MYO1E: variants seen among roughly 807,000 people sequenced by gnomAD.
MYO1E encodes unconventional myosin-Ie.
Under a neutral mutation model 151.1 loss-of-function variants are expected in MYO1E, and 68 were observed. The observed-to-expected ratio is 0.45, with a 90% CI of 0.37 to 0.55. MYO1E has a LOEUF of 0.55. MYO1E is among the 20% of genes least tolerant of loss of function. The probability of loss-of-function intolerance (pLI) is 0.00; values close to 1 mark genes in which losing one functional copy is unlikely to be tolerated. For missense variants in MYO1E, 1,363 were observed against 1,389.3 expected (o/e 0.98, Z 0.30); for synonymous variants, 601 against 501.7 (o/e 1.20, Z -2.64).
At chr15:59,197,576 G>A (rs2079775535) in intron 16 of MYO1E, among the ~76,000 whole-genome samples, 1 of 152,102 alleles carries the variant, frequency 6.6e-6, no homozygotes, top group African/African-American at 2.4e-5. Flanking sequence ...GAGAAAGCTG[G>A]GCCTTAAAGA....
intron 13 of MYO1E, among the ~76,000 whole-genome samples, chr15:59,209,168 T>C (rs1292111250): frequency 2.0e-5 from 3 of 152,194 alleles, no homozygotes; most frequent in Non-Finnish European, 2.9e-5. Flanking sequence ...AGTAAAAACA[T>C]TTTCCTTTGA....
chr15:59,312,493 C>T (rs1436315814), intron 1 of MYO1E, among the ~76,000 whole-genome samples: 9 of 152,086 alleles, frequency 5.9e-5, no homozygotes, highest in African/African-American at 1.9e-4. Context: ...AAAAACCTTG[C>T]GTTTAGAGCA....
chr15:59,156,138 A>C (rs1448794403), intron 25 of MYO1E, among the ~76,000 whole-genome samples: 1 of 152,184 alleles, frequency 6.6e-6, no homozygotes, highest in East Asian at 1.9e-4. Context: ...CTGGGATTCC[A>C]GGCATGTGCC....
At chr15:59,336,576 T>C (rs563140896) in intron 1 of MYO1E, among the ~76,000 whole-genome samples, 23 of 151,834 alleles carry the variant, frequency 1.5e-4, no homozygotes, top group Non-Finnish European at 2.9e-4. Flanking sequence ...ATTCACATAG[T>C]ACACCCCTGG....
intron 1 of MYO1E, among the ~76,000 whole-genome samples, chr15:59,277,560 A>AAAACAACAACAAC (rs2080327676): frequency 7.9e-6 from 1 of 126,790 alleles, no homozygotes; most frequent in Middle Eastern, 3.7e-3. Flanking sequence ...AAAAAAAAAA[A>AAAACAACAACAAC]AAAAAAAAAA....
chr15:59,311,960 C>T (rs1350520114), intron 1 of MYO1E, among the ~76,000 whole-genome samples: 2 of 152,126 alleles, frequency 1.3e-5, no homozygotes, highest in Non-Finnish European at 2.9e-5. Context: ...TGCAGCCCCT[C>T]GATCATGAAC....
chr15:59,178,460 G>A lies in MYO1E; in HGVS notation c.1982C>T (p.Ser661Leu), dbSNP rs756487866. 7.4e-6 allele frequency: 12 copies of A among 1,614,174 alleles called. No homozygotes were observed. Among genetic ancestry groups the A allele is most frequent in the African/African-American group, 2.7e-5 (2 of 75,046 alleles). The stretch of plus-strand genomic sequence containing the variant: ...GAACTGGTCGCTGTCCATGTTGACC[G>A]ACTGCAGCAGGTGCAGGACGCCTTG... ...EKQGVLHLLQ[S>L]VNMDSDQFQL... The change falls in exon 19 of 28, where the codon TCG becomes TTG. Residue 661 changes from serine (S) to leucine (L), a missense_variant. Ser to Leu is a moderately radical substitution (Grantham distance 145). Transcript: ENST00000288235.
intron 8 of MYO1E, among the ~76,000 whole-genome samples, chr15:59,224,307 C>T (rs2079975104): frequency 6.6e-6 from 1 of 152,190 alleles, no homozygotes; most frequent in Non-Finnish European, 1.5e-5. Context: ...TAAAGACGTT[C>T]CAAAATGTCT....
chr15:59,270,436 G>T (rs1375224510), intron 2 of MYO1E, among the ~76,000 whole-genome samples: 1 of 151,476 alleles, frequency 6.6e-6, no homozygotes, highest in African/African-American at 2.4e-5. Flanking sequence ...CCAGCTACTT[G>T]GGAGGCTGAG....
In MYO1E at chr15:59,209,815, C is replaced by CT. The variant is rs71119441; in HGVS notation, c.1362+698dup. On this transcript the variant is annotated intron_variant, in intron 13 of 27. Transcript: ENST00000288235. ...CTGTATCACTTTTATTTTGAATCAC[C>CT]TTTTTTTTTTTTTTTTTTTTTTTTT... Among the ~76,000 whole-genome samples, 355 of 49,852 alleles carry CT rather than the reference C, an allele frequency of 7.1e-3. 90 individuals carry two copies. Among genetic ancestry groups the CT allele is most frequent in the Middle Eastern group, 0.015 (1 of 68 alleles). The allele number at this position is 49,852 out of a possible 152,430, so 32.7% of individuals were successfully genotyped here. A position where few individuals can be genotyped will look rare whatever the true frequency, so the allele number is the denominator to read the frequency against.
Position 59,223,059 on chromosome 15 carries a change from A to G in MYO1E, c.910T>C (p.Phe304Leu), listed in dbSNP as rs1317921050. 1.2e-6 allele frequency: 2 copies of G among 1,613,048 alleles called. No individual in the cohort carries two copies. Among genetic ancestry groups the G allele is most frequent in the African/African-American group, 2.7e-5 (2 of 74,664 alleles). The change falls in exon 9 of 28, where the codon TTT becomes CTT. Residue 304 changes from phenylalanine (F) to leucine (L), a missense_variant and splice_region_variant. Coordinates refer to ENST00000288235, the MANE Select transcript of MYO1E (RefSeq NM_004998.4). ...GNYAAVESEE[F>L]LAFPAYLLGI... The stretch of plus-strand genomic sequence containing the variant: ...ATGGCCACATGCCAGGGCTACGCAC[A>G]CTCTTCACTCTCCACAGCCGCGTAG...
At position 59,205,488 on chromosome 15, in the gene MYO1E, G is replaced by T. The variant is rs748772463; in HGVS notation, c.1531-3C>A. 32 of 1,582,564 alleles carry T rather than the reference G, an allele frequency of 2.0e-5. No individual in the cohort carries two copies. Among genetic ancestry groups the T allele is most frequent in the Non-Finnish European group, 2.8e-5 (32 of 1,158,586 alleles). On this transcript the variant is annotated splice_polypyrimidine_tract_variant and splice_region_variant and intron_variant, in intron 14 of 27. Transcript: ENST00000288235. ...AAGCCATCCATGTCATAGGATACCT[G>T]GCCAAGAATGGAAAGAAATCGAATT... is the stretch of plus-strand genomic sequence containing the variant.
intron 1 of MYO1E, among the ~76,000 whole-genome samples, chr15:59,317,875 T>C (rs74017726): frequency 0.031 from 4,772 of 152,162 alleles, 174 homozygotes; most frequent in African/African-American, 0.091. Flanking sequence ...TTGAGCTACA[T>C]AACCTCATAA....
At chr15:59,314,631 C>T (rs890577623) in intron 1 of MYO1E, among the ~76,000 whole-genome samples, 6 of 151,570 alleles carry the variant, frequency 4.0e-5, no homozygotes, top group Non-Finnish European at 7.4e-5. Context: ...ATTTTCACTC[C>T]GGGGCAGCTC....
At chr15:59,348,970 C>G (rs1244998667) in intron 1 of MYO1E, 1 of 152,118 alleles carries the variant, frequency 6.6e-6, no homozygotes, top group African/African-American at 2.4e-5. Context: ...CTTAAAGGGT[C>G]TAACACAAGG....
At chr15:59,181,222 C>CA in intron 18 of MYO1E, among the ~76,000 whole-genome samples, 1 of 152,188 alleles carries the variant, frequency 6.6e-6, no homozygotes. Flanking sequence ...ATCATCCCCA[C>CA]ATTCTGAGAG....
At chr15:59,362,554 T>C (rs956690682) in intron 1 of MYO1E, among the ~76,000 whole-genome samples, 6 of 152,260 alleles carry the variant, frequency 3.9e-5, no homozygotes, top group Non-Finnish European at 7.3e-5. Flanking sequence ...TCATTTTGCA[T>C]TGATGCATAT....
At chr15:59,193,065 C>CAGTCTAGTTCTTTGCTCTAGATCCT (rs2079743822) in intron 17 of MYO1E, among the ~76,000 whole-genome samples, 1 of 64,428 alleles carries the variant, frequency 1.6e-5, no homozygotes. Flanking sequence ...CACCGGGACA[C>CAGTCTAGTTCTTTGCTCTAGATCCT]AGTCTAGTTC....
At chr15:59,230,582 A>C (rs1315434066) in intron 6 of MYO1E, among the ~76,000 whole-genome samples, 1 of 152,180 alleles carries the variant, frequency 6.6e-6, no homozygotes, top group African/African-American at 2.4e-5. Flanking sequence ...TATTATCTGG[A>C]AAACTTCTTC....
Sources: allele counts gnomAD v4.1 joint callset (sites outside exome capture counted in the v4.1 genomes callset), GRCh38; gene constraint gnomAD v4.1.1; transcripts MANE v1.5; gene names NCBI Gene and HGNC (gene_info 2026-07-23, HGNC 2026-07-21).